PTN: variants seen among roughly 807,000 people sequenced by gnomAD.
PTN encodes heparin affin regulatory protein.
A neutral mutation model predicts 24.1 loss-of-function variants in PTN; 18 were observed. The ratio of observed to expected loss-of-function variants is 0.75; its 90% CI spans 0.52 to 1.11. PTN has a LOEUF of 1.11. Among genes scored for constraint, PTN ranks in the 50% least tolerant of loss-of-function variants. The pLI, the probability that PTN is intolerant of heterozygous loss-of-function variation, is 0.00. For synonymous variants in PTN, 78 were observed against 68.6 expected (o/e 1.14, Z -0.67); for missense variants, 163 against 198.8 (o/e 0.82, Z 1.08).
chr7:137,295,733 C>T (rs140880622), intron 1 of PTN, among the ~76,000 whole-genome samples: 5 of 151,854 alleles, frequency 3.3e-5, no homozygotes, highest in Admixed American at 1.3e-4. Context: ...GTTAAGATTA[C>T]GTATGTGGCT....
At chr7:137,233,889 A>AAC (rs113401589) in intron 4 of PTN, among the ~76,000 whole-genome samples, 49,572 of 147,496 alleles carry the variant, frequency 0.34, 9,993 homozygotes, top group African/African-American at 0.58. Context: ...AAACCAAAGA[A>AAC]ACACACACAC....
chr7:137,241,012 A>T (rs1168217106), intron 4 of PTN, among the ~76,000 whole-genome samples: 1 of 152,200 alleles, frequency 6.6e-6, no homozygotes, highest in Non-Finnish European at 1.5e-5. Context: ...ATGGCTGGAG[A>T]GGTCTCAGGA....
intron 1 of PTN, among the ~76,000 whole-genome samples, chr7:137,261,649 C>T (rs760039856): frequency 2.6e-5 from 4 of 152,216 alleles, no homozygotes; most frequent in South Asian, 2.1e-4. Context: ...CACATTTTTA[C>T]GTGACATGGG....
intron 4 of PTN, among the ~76,000 whole-genome samples, chr7:137,240,905 G>A (rs1482291663): frequency 6.6e-6 from 1 of 152,166 alleles, no homozygotes; most frequent in Admixed American, 6.5e-5. Flanking sequence ...CCTTGTGCTA[G>A]GTATATGTAT....
chr7:137,264,064 C>G (rs1319448072), intron 1 of PTN, among the ~76,000 whole-genome samples: 2 of 152,048 alleles, frequency 1.3e-5, no homozygotes, highest in African/African-American at 4.8e-5. Flanking sequence ...ATATTTGAAA[C>G]TTTTAGAACC....
chr7:137,313,223 A>G (rs1232772807), intron 1 of PTN, among the ~76,000 whole-genome samples: 1 of 152,078 alleles, frequency 6.6e-6, no homozygotes, highest in Non-Finnish European at 1.5e-5. Flanking sequence ...TATCCACTCC[A>G]ACTCTCTTCC....
intron 1 of PTN, among the ~76,000 whole-genome samples, chr7:137,338,943 T>C (rs1363554342): frequency 6.6e-6 from 1 of 151,746 alleles, no homozygotes; most frequent in Non-Finnish European, 1.5e-5. Flanking sequence ...AGAAGAGTTG[T>C]GACAATACTA....
intron 1 of PTN, among the ~76,000 whole-genome samples, chr7:137,300,803 G>A (rs1200757076): frequency 6.6e-6 from 1 of 151,790 alleles, no homozygotes; most frequent in Non-Finnish European, 1.5e-5. Context: ...GCTTCAGCCC[G>A]AAAAAATCAT....
chr7:137,300,052 TGG>T (rs1809782271), intron 1 of PTN, among the ~76,000 whole-genome samples: 1 of 151,718 alleles, frequency 6.6e-6, no homozygotes, highest in Admixed American at 6.6e-5. Context: ...CTGCCCGCCA[TGG>T]GAGCAATGTC....
chr7:137,336,706 G>A (rs1406464928), intron 1 of PTN, among the ~76,000 whole-genome samples: 1 of 152,170 alleles, frequency 6.6e-6, no homozygotes, highest in African/African-American at 2.4e-5. Context: ...TGTTGCAGAT[G>A]CCAAGTGGGC....
At chr7:137,238,017 T>G (rs1027048216) in intron 4 of PTN, among the ~76,000 whole-genome samples, 2 of 152,242 alleles carry the variant, frequency 1.3e-5, no homozygotes, top group Non-Finnish European at 2.9e-5. Context: ...ACAATTTTAC[T>G]TCCTTCTTGC....
In PTN at chr7:137,229,512, C is replaced by T. The variant is rs554822260; in HGVS notation, c.452-1437G>A. ...CATTTCTATATACTATCTTCATGAC[C>T]TCTTCAAGTAGGTTCCAAAGTCCAT... On this transcript the variant is annotated intron_variant, in intron 4 of 4. Coordinates refer to ENST00000348225, the MANE Select transcript of PTN (RefSeq NM_002825.7). 8.6e-5 allele frequency among the ~76,000 whole-genome samples: 13 copies of T among 151,820 alleles called. 1 individual carries two copies. In the South Asian group the frequency reaches 2.7e-3, roughly 31 times the overall value.
chr7:137,281,372 T>C (rs1809471587), intron 1 of PTN, among the ~76,000 whole-genome samples: 3 of 152,192 alleles, frequency 2.0e-5, no homozygotes, highest in Admixed American at 1.3e-4. Flanking sequence ...CTTCCATTCA[T>C]GATTCAAGGA....
intron 1 of PTN, among the ~76,000 whole-genome samples, chr7:137,301,103 G>A (rs1436162400): frequency 6.6e-6 from 1 of 151,980 alleles, no homozygotes; most frequent in African/African-American, 2.4e-5. Context: ...TTAGTAAAAT[G>A]TAGCTTCTGC....
intron 1 of PTN, among the ~76,000 whole-genome samples, chr7:137,332,001 A>C (rs1009643629): frequency 6.6e-6 from 1 of 152,230 alleles, no homozygotes; most frequent in Non-Finnish European, 1.5e-5. Flanking sequence ...CATTCATAAC[A>C]TTAATTTACT....
intron 1 of PTN, among the ~76,000 whole-genome samples, chr7:137,296,568 A>G (rs1809721134): frequency 6.6e-6 from 1 of 152,002 alleles, no homozygotes; most frequent in Non-Finnish European, 1.5e-5. Context: ...CCTAGGCTCT[A>G]TTAAAAAACT....
chr7:137,228,195 C>T (rs542372237), intron 4 of PTN, 120 bp from the exon 5 acceptor site: 6 of 666,686 alleles, frequency 9.0e-6, no homozygotes, highest in South Asian at 7.2e-5. Context: ...AAGTTGTTTG[C>T]TCTTGGTAGT....
chr7:137,228,870 A>G (rs1421279765), intron 4 of PTN, among the ~76,000 whole-genome samples: 1 of 151,862 alleles, frequency 6.6e-6, no homozygotes, highest in Non-Finnish European at 1.5e-5. Context: ...TCACTGGGTT[A>G]GCAAGTGAGG....
intron 1 of PTN, among the ~76,000 whole-genome samples, chr7:137,340,737 A>G (rs1256711924): frequency 2.6e-5 from 4 of 152,194 alleles, no homozygotes; most frequent in Admixed American, 2.6e-4. Context: ...TCACTAGCAA[A>G]GCTATGGAAC....
Sources: gnomAD v4.1 joint callset for allele counts (sites outside exome capture counted in the v4.1 genomes callset) on GRCh38, gnomAD v4.1.1 for gene constraint, MANE v1.5 for transcripts, NCBI Gene and HGNC (gene_info 2026-07-23, HGNC 2026-07-21) for gene names.